PRDM15: variants seen among roughly 807,000 people sequenced by gnomAD.
PRDM15 encodes PR/SET domain 15.
Under a neutral mutation model 128.6 loss-of-function variants are expected in PRDM15, and 64 were observed. The ratio of observed to expected loss-of-function variants is 0.50; its 90% CI spans 0.41 to 0.61. The LOEUF is 0.61. Among genes scored for constraint, PRDM15 ranks in the 20% least tolerant of loss-of-function variants. The pLI, the probability that PRDM15 is intolerant of heterozygous loss-of-function variation, is 0.00. For missense variants in PRDM15, 1,242 were observed against 1,569.1 expected (o/e 0.79, Z 3.52); for synonymous variants, 615 against 621.8 (o/e 0.99, Z 0.16).
Position 41,800,963 on chromosome 21 carries a change from G to C in PRDM15, c.*277C>G, listed in dbSNP as rs1466321714. The C allele has an allele frequency of 7.9e-6, 3 of 379,916 alleles. No individual in the cohort carries two copies. The East Asian group carries it at 1.2e-4, about 15-fold the overall frequency. 23.5% of individuals were successfully genotyped at this position (379,916 alleles called of 1,614,324 possible). On this transcript the variant is annotated 3_prime_UTR_variant, in exon 24 of 24. Coordinates refer to ENST00000398548, the MANE Select transcript of PRDM15 (RefSeq NM_001040424.3). The stretch of plus-strand genomic sequence containing the variant: ...CGGGCGAACACTGGTTCTGTAAGGG[G>C]AGGCAGATGCGGCCCCGGCCCAGGA...
Position 41,801,466 on chromosome 21 carries a change from G to A in PRDM15, c.3200C>T (p.Pro1067Leu), listed in dbSNP as rs373004514. The A allele has an allele frequency of 5.7e-5, 92 of 1,614,218 alleles. No individual in the cohort carries two copies. The Middle Eastern group carries it at 6.6e-4, about 12-fold the overall frequency. The change falls in exon 24 of 24, where the codon CCG becomes CTG. Residue 1067 changes from proline (P) to leucine (L), a missense_variant. Coordinates refer to ENST00000398548, the MANE Select transcript of PRDM15 (RefSeq NM_001040424.3). ...CACAGACTGTGGGTTCGAGGCTTCC[G>A]GCTGGGGGTGGATCTGGACGTCATT... is the stretch of plus-strand genomic sequence containing the variant. ...RQNDVQIHPQ[P>L]EASNPQSVAH...
Position 41,839,783 on chromosome 21 carries a change from G to C in PRDM15, c.711C>G (p.Pro237=). 1 of 1,614,238 alleles carries C rather than the reference G, an allele frequency of 6.2e-7. No homozygotes were observed. The highest frequency in any genetic ancestry group is 8.5e-7 in the Non-Finnish European group (1 of 1,180,048). ...CCCGGGGTGTGTCCTGCTCCTTCTCGGGAGCTGCTGCCTCGCTTTGGCTGC... is the reference window on the plus strand; with the variant it reads ...CCCGGGGTGTGTCCTGCTCCTTCTCCGGAGCTGCTGCCTCGCTTTGGCTGC... ...PPGSQSEAAA[P]EKEQDTPRGE... The change falls in exon 7 of 24, where the codon CCC becomes CCG. Residue 237 remains proline (P), a synonymous_variant. Coordinates refer to ENST00000398548, the MANE Select transcript of PRDM15 (RefSeq NM_001040424.3).
intron 19 of PRDM15, chr21:41,814,065 G>A (rs373202290): frequency 1.4e-5 from 1 of 72,760 alleles, no homozygotes; most frequent in East Asian, 4.6e-4. Context: ...GCTCTAGTGT[G>A]TTATGAGAAT....
At chr21:41,853,397 G>A (rs1465058753) in intron 5 of PRDM15, among the ~76,000 whole-genome samples, 3 of 152,176 alleles carry the variant, frequency 2.0e-5, no homozygotes, top group Admixed American at 6.5e-5. Flanking sequence ...TTTGGGAGGG[G>A]GGTCAGGAGA....
intron 10 of PRDM15, 118 bp from the exon 11 acceptor site, chr21:41,835,642 C>A: frequency 1.4e-6 from 1 of 722,302 alleles, no homozygotes; most frequent in Non-Finnish European, 2.4e-6. Flanking sequence ...CTGACCTCCA[C>A]CACCCTCCCG....
At position 41,858,910 on chromosome 21, in the gene PRDM15, C is replaced by T. The variant is rs2063722631; in HGVS notation, c.131+682G>A. ...AACAGTTCTGGAAAGACGGCGGCCA[C>T]CTGTGCAGCGGCAGCACGTGCCAGG... On this transcript the variant is annotated intron_variant, in intron 3 of 23. Coordinates refer to ENST00000398548, the MANE Select transcript of PRDM15 (RefSeq NM_001040424.3). The T allele has an allele frequency of 1.7e-5, 12 of 717,424 alleles. No homozygotes were observed. In the South Asian group the frequency reaches 2.1e-4, roughly 13 times the overall value. The allele number at this position is 717,424 out of a possible 1,614,324, so 44.4% of individuals were successfully genotyped here.
Position 41,859,266 on chromosome 21 carries a change from C to T in PRDM15, c.131+326G>A. The T allele has an allele frequency of 6.3e-7, 1 of 1,593,582 alleles. No homozygotes were observed. The highest frequency in any genetic ancestry group is 8.6e-7 in the Non-Finnish European group (1 of 1,164,258). On this transcript the variant is annotated intron_variant, in intron 3 of 23. Transcript: ENST00000398548. The surrounding 1 kb of genome is among the most constrained non-coding windows in gnomAD (Gnocchi z 5.3). The stretch of plus-strand genomic sequence containing the variant: ...GAGAAGCCAACGAGCAGACCTCCAG[C>T]TTGGCTGCTGGTGCTCAGCACGTCA...
chr21:41,861,495 T>A (rs1040976310), intron 1 of PRDM15: 2 of 1,360,680 alleles, frequency 1.5e-6, no homozygotes, highest in Admixed American at 4.0e-5. Context: ...TAAAGTGAGA[T>A]ACACACAGTA....
intron 1 of PRDM15, chr21:41,874,991 A>T (rs943047421): frequency 1.3e-5 from 2 of 152,556 alleles, no homozygotes; most frequent in Non-Finnish European, 2.9e-5. Context: ...TCATCCCAGC[A>T]CTTTGGGGGG....
At chr21:41,844,356 A>G (rs1240883105) in intron 6 of PRDM15, among the ~76,000 whole-genome samples, 1 of 151,662 alleles carries the variant, frequency 6.6e-6, no homozygotes, top group Non-Finnish European at 1.5e-5. Context: ...AGCCCAAAAA[A>G]GAGAAACACA....
intron 22 of PRDM15, chr21:41,803,193 A>C: frequency 2.0e-6 from 1 of 488,942 alleles, no homozygotes; most frequent in Non-Finnish European, 3.7e-6. Flanking sequence ...CTTCTTAGAA[A>C]CTTAACGTTT....
At position 41,854,849 on chromosome 21, in the gene PRDM15, G is replaced by A; in HGVS notation, c.286-31C>T. The A allele has an allele frequency of 1.9e-6, 3 of 1,578,132 alleles. No homozygotes were observed. Among genetic ancestry groups the A allele is most frequent in the Non-Finnish European group, 2.6e-6 (3 of 1,158,588 alleles). ...GGTGAGTCGGCCCATGGAGAAGCCG[G>A]GGAAATGGCTGATTACCCATCTGTG... On this transcript the variant is annotated intron_variant, in intron 4 of 23. Coordinates refer to ENST00000398548, the MANE Select transcript of PRDM15 (RefSeq NM_001040424.3). The surrounding 1 kb of genome is among the most constrained non-coding windows in gnomAD (Gnocchi z 4.6).
At chr21:41,843,111 TTTTG>T (rs147452558) in intron 6 of PRDM15, among the ~76,000 whole-genome samples, 42 of 151,854 alleles carry the variant, frequency 2.8e-4, no homozygotes, top group African/African-American at 9.2e-4. Flanking sequence ...TTGTTTGTTT[TTTTG>T]TTTGTTTGTT....
chr21:41,810,534 C>G lies in PRDM15; in HGVS notation c.2477-205G>C. 2 of 647,634 alleles carry G rather than the reference C, an allele frequency of 3.1e-6. No homozygotes were observed. Among genetic ancestry groups the G allele is most frequent in the Non-Finnish European group, 5.3e-6 (2 of 377,514 alleles). 40.1% of individuals were successfully genotyped at this position (647,634 alleles called of 1,614,324 possible). A position where few individuals can be genotyped will look rare whatever the true frequency, so the allele number is the denominator to read the frequency against. On this transcript the variant is annotated intron_variant, in intron 20 of 23. Coordinates refer to ENST00000398548, the MANE Select transcript of PRDM15 (RefSeq NM_001040424.3). The surrounding 1 kb of genome is among the most constrained non-coding windows in gnomAD (Gnocchi z 6.4). ...TGGGGAGCACTGCCAGCAGCAGCTG[C>G]ATCACGGAACCAATATGAGAAAATT...
At chr21:41,860,889 T>G (rs1257917038) in intron 1 of PRDM15, among the ~76,000 whole-genome samples, 1 of 152,248 alleles carries the variant, frequency 6.6e-6, no homozygotes, top group African/African-American at 2.4e-5. Context: ...TTATTTTTAA[T>G]GAAAGCAATG....
chr21:41,819,728 G>C (rs2062182414), intron 17 of PRDM15, 27 bp from the exon 18 acceptor site: 2 of 1,580,626 alleles, frequency 1.3e-6, no homozygotes, highest in Non-Finnish European at 1.7e-6. Context: ...CTGCCACTCA[G>C]AGCCGAGCAG....
chr21:41,846,131 C>A (rs1364827876), intron 6 of PRDM15, among the ~76,000 whole-genome samples: 1 of 152,202 alleles, frequency 6.6e-6, no homozygotes, highest in Non-Finnish European at 1.5e-5. Context: ...GTGGCTGTCC[C>A]AGTCACTCCT....
Position 41,821,192 on chromosome 21 carries a change from G to C in PRDM15, c.1935C>G (p.Ile645Met). 1 of 1,614,198 alleles carries C rather than the reference G, an allele frequency of 6.2e-7. No individual in the cohort carries two copies. Among genetic ancestry groups the C allele is most frequent in the Middle Eastern group, 1.7e-4 (1 of 6,060 alleles). ...FGRGKEYLKHIMEVHKEKGYG... is the reference protein window; with the variant it reads ...FGRGKEYLKHMMEVHKEKGYG... ...AGCCCTTCTCCTTGTGCACCTCCATGATGTGCTTCAGGTACTCCTTCCCCC... is the reference window on the plus strand; with the variant it reads ...AGCCCTTCTCCTTGTGCACCTCCATCATGTGCTTCAGGTACTCCTTCCCCC... Residue 645 changes from isoleucine (I) to methionine (M), a missense_variant, in exon 16 of 24, where the codon ATC becomes ATG. Coordinates refer to ENST00000398548, the MANE Select transcript of PRDM15 (RefSeq NM_001040424.3). This position sits in a 1 kb window ranked among gnomAD's most constrained non-coding sequence, Gnocchi z 5.4.
Position 41,810,449 on chromosome 21 carries a change from C to T in PRDM15, c.2477-120G>A, listed in dbSNP as rs2061828839. ...AGGCAAGAAGCCTGTCACGCCCCGC[C>T]CATCCTGAGAGGGCCGGTGCTGGTC... is the stretch of plus-strand genomic sequence containing the variant. On this transcript the variant is annotated intron_variant, in intron 20 of 23. Coordinates refer to ENST00000398548, the MANE Select transcript of PRDM15 (RefSeq NM_001040424.3). This position sits in a 1 kb window ranked among gnomAD's most constrained non-coding sequence, Gnocchi z 6.4. 2 of 1,192,752 alleles carry T rather than the reference C, an allele frequency of 1.7e-6. No individual in the cohort carries two copies. The allele number at this position is 1,192,752 out of a possible 1,614,324, so 73.9% of individuals were successfully genotyped here.
Sources: gnomAD v4.1 joint callset for allele counts (sites outside exome capture counted in the v4.1 genomes callset) on GRCh38, gnomAD v4.1.1 for gene constraint, Gnocchi (gnomAD v3.1) non-coding constraint, MANE v1.5 for transcripts, NCBI Gene and HGNC (gene_info 2026-07-23, HGNC 2026-07-21) for gene names.